Variants in SLC4A10 observed in about 807,000 individuals in gnomAD.
SLC4A10 encodes sodium-driven chloride bicarbonate exchanger.
A neutral mutation model predicts 137.7 loss-of-function variants in SLC4A10; 42 were observed. That is an observed-to-expected ratio of 0.30 (90% CI 0.24 to 0.39). The LOEUF is 0.39. Ranked by LOEUF, SLC4A10 falls within the 10% of genes least tolerant of loss-of-function variation. The probability of loss-of-function intolerance (pLI) is 1.00; values close to 1 mark genes in which losing one functional copy is unlikely to be tolerated. For synonymous variants in SLC4A10, 474 were observed against 464.1 expected (o/e 1.02, Z -0.27); for missense variants, 925 against 1,355.0 (o/e 0.68, Z 4.98).
chr2:161,643,020 G>A (rs1239862039), intron 1 of SLC4A10, among the ~76,000 whole-genome samples: 1 of 151,758 alleles, frequency 6.6e-6, no homozygotes, highest in Non-Finnish European at 1.5e-5. Context: ...TTATTTTTGT[G>A]GATCCATATT....
At chr2:161,672,536 C>G (rs978375693) in intron 1 of SLC4A10, among the ~76,000 whole-genome samples, 3 of 151,658 alleles carry the variant, frequency 2.0e-5, no homozygotes, top group Admixed American at 2.0e-4. Context: ...ATTTAGAGAC[C>G]ACAGTCTTTC....
rs764096310 is a variant in SLC4A10, at chr2:161,765,517, G to A, written c.49-5456G>A. On this transcript the variant is annotated intron_variant, in intron 1 of 26. Transcript: ENST00000446997. ...AGTTACTCAGGAGGCTGAGGCAGGA[G>A]AATTGGTTGAACCCAGGAACCCAGG... 5.3e-5 allele frequency among the ~76,000 whole-genome samples: 8 copies of A among 150,434 alleles called. No homozygotes were observed. In the East Asian group the frequency reaches 1.4e-3, roughly 26 times the overall value.
chr2:161,630,300 A>G lies in SLC4A10; in HGVS notation c.48+5734A>G, dbSNP rs148861189. On this transcript the variant is annotated intron_variant, in intron 1 of 26. Coordinates refer to ENST00000446997, the MANE Select transcript of SLC4A10 (RefSeq NM_001178015.2). ...TATTGGTTTGTAGTCTTCTTTTCTT[A>G]TAATATCTTTGTTTGGTTTTGGTAT... Among the ~76,000 whole-genome samples the G allele has an allele frequency of 1.6e-4, 24 of 151,886 alleles. No individual in the cohort carries two copies. The East Asian group carries it at 4.4e-3, about 28-fold the overall frequency.
In SLC4A10 at chr2:161,745,364, G is replaced by C. The variant is rs558960958; in HGVS notation, c.49-25609G>C. ...TGTTGAGAGACTCTCGTGTTCTTCA[G>C]TTTGTCACTTGAATTTTTCAGCTCC... On this transcript the variant is annotated intron_variant, in intron 1 of 26. Transcript: ENST00000446997. Among the ~76,000 whole-genome samples the C allele has an allele frequency of 7.2e-5, 11 of 152,150 alleles. No homozygotes were observed. In the South Asian group the frequency reaches 2.3e-3, roughly 32 times the overall value.
intron 21 of SLC4A10, among the ~76,000 whole-genome samples, chr2:161,963,651 C>T (rs1697105879): frequency 6.6e-6 from 1 of 152,082 alleles, no homozygotes; most frequent in Admixed American, 6.6e-5. Context: ...CAGGAGAGAG[C>T]TAAGGCAGAG....
chr2:161,660,560 C>CTTT (rs1558968651), intron 1 of SLC4A10, among the ~76,000 whole-genome samples: 1 of 47,114 alleles, frequency 2.1e-5, no homozygotes, highest in South Asian at 6.9e-4. Flanking sequence ...ATCTATATTT[C>CTTT]TTTCTTTCTT....
At chr2:161,946,681 C>A (rs1693869593) in intron 16 of SLC4A10, among the ~76,000 whole-genome samples, 1 of 144,514 alleles carries the variant, frequency 6.9e-6, no homozygotes, top group Admixed American at 7.3e-5. Flanking sequence ...TTGAAATGCT[C>A]AGTTTTTCCT....
chr2:161,898,914 T>A (rs1437289290), intron 11 of SLC4A10, among the ~76,000 whole-genome samples: 1 of 152,234 alleles, frequency 6.6e-6, no homozygotes, highest in East Asian at 1.9e-4. Flanking sequence ...CCTAGTCCAA[T>A]CATTCTCACT....
At chr2:161,720,041 G>T (rs2045456292) in intron 1 of SLC4A10, among the ~76,000 whole-genome samples, 1 of 152,200 alleles carries the variant, frequency 6.6e-6, no homozygotes, top group African/African-American at 2.4e-5. Flanking sequence ...TAACATTTAA[G>T]TCTTTAATCC....
At chr2:161,711,519 C>A (rs944992099) in intron 1 of SLC4A10, among the ~76,000 whole-genome samples, 28 of 151,748 alleles carry the variant, frequency 1.8e-4, no homozygotes, top group African/African-American at 6.0e-4. Flanking sequence ...GGTGAACAGT[C>A]AGGCATTACT....
At chr2:161,693,901 A>G (rs1027940668) in intron 1 of SLC4A10, among the ~76,000 whole-genome samples, 2 of 151,818 alleles carry the variant, frequency 1.3e-5, no homozygotes, top group Non-Finnish European at 2.9e-5. Flanking sequence ...TTTCCATATA[A>G]TGGCCATTAT....
At chr2:161,758,934 G>C (rs1275795783) in intron 1 of SLC4A10, among the ~76,000 whole-genome samples, 1 of 151,782 alleles carries the variant, frequency 6.6e-6, no homozygotes, top group Admixed American at 6.6e-5. Flanking sequence ...CTTTCATCTA[G>C]AAAACAACTT....
chr2:161,664,510 C>A (rs1346510203), intron 1 of SLC4A10, among the ~76,000 whole-genome samples: 2 of 151,772 alleles, frequency 1.3e-5, no homozygotes, highest in African/African-American at 2.4e-5. Flanking sequence ...TAAATAAAGT[C>A]TTTTTAGCAT....
intron 9 of SLC4A10, 113 bp from the exon 10 acceptor site, chr2:161,882,244 A>G (rs1406128104): frequency 1.8e-6 from 1 of 570,338 alleles, no homozygotes; most frequent in Admixed American, 3.8e-5. Context: ...CTATGGAAGT[A>G]TTTGCCATCA....
At chr2:161,721,681 C>T (rs1359807114) in intron 1 of SLC4A10, among the ~76,000 whole-genome samples, 6 of 152,050 alleles carry the variant, frequency 3.9e-5, no homozygotes, top group African/African-American at 7.2e-5. Context: ...GATCTACTCA[C>T]GGATTATCTT....
intron 1 of SLC4A10, among the ~76,000 whole-genome samples, chr2:161,646,673 A>G (rs1404987775): frequency 6.6e-6 from 1 of 152,010 alleles, no homozygotes; most frequent in African/African-American, 2.4e-5. Flanking sequence ...CTAAATAAGT[A>G]AATATATATT....
chr2:161,820,081 C>G (rs1226860894), intron 3 of SLC4A10, among the ~76,000 whole-genome samples: 2 of 151,616 alleles, frequency 1.3e-5, no homozygotes, highest in Non-Finnish European at 2.9e-5. Context: ...GACTATTAAA[C>G]ACATGTTTAA....
At chr2:161,816,447 C>T (rs1402683769) in intron 3 of SLC4A10, among the ~76,000 whole-genome samples, 1 of 151,882 alleles carries the variant, frequency 6.6e-6, no homozygotes, top group Admixed American at 6.6e-5. Context: ...TTTAACAAAA[C>T]GATTTTTGGA....
intron 1 of SLC4A10, among the ~76,000 whole-genome samples, chr2:161,751,443 GTACT>G (rs2048965911): frequency 1.3e-5 from 2 of 148,528 alleles, no homozygotes; most frequent in South Asian, 2.1e-4. Context: ...GGCTTTCATA[GTACT>G]TACATGAAAT....
Sources: gnomAD v4.1 joint callset for allele counts (sites outside exome capture counted in the v4.1 genomes callset) on GRCh38, gnomAD v4.1.1 for gene constraint, MANE v1.5 for transcripts, NCBI Gene and HGNC (gene_info 2026-07-23, HGNC 2026-07-21) for gene names.